The following SORCS3 variants were observed in gnomAD, a reference collection of about 807,000 sequenced individuals.
SORCS3 encodes VPS10 domain-containing receptor SorCS3.
Under a neutral mutation model 146.3 loss-of-function variants are expected in SORCS3, and 57 were observed. That is an observed-to-expected ratio of 0.39 (90% confidence interval 0.31 to 0.49). The LOEUF is 0.49. SORCS3 is among the 20% of genes least tolerant of loss of function. The probability of loss-of-function intolerance (pLI) is 0.92; values close to 1 mark genes in which losing one functional copy is unlikely to be tolerated. For synonymous variants in SORCS3, 653 were observed against 618.5 expected (o/e 1.06, Z -0.83); for missense variants, 1,341 against 1,575.5 (o/e 0.85, Z 2.52).
intron 14 of SORCS3, among the ~76,000 whole-genome samples, chr10:105,192,254 C>T (rs891069942): frequency 5.3e-5 from 8 of 152,056 alleles, no homozygotes; most frequent in African/African-American, 1.2e-4. Context: ...TCTCCTGCCC[C>T]TTTTATCCTC....
chr10:105,022,473 AT>A (rs34732132), intron 4 of SORCS3, among the ~76,000 whole-genome samples: 72,794 of 150,152 alleles, frequency 0.48, 18,437 homozygotes, highest in African/African-American at 0.65. Flanking sequence ...AATTTTTTGT[AT>A]TTTTTTTTGG....
Position 104,916,004 on chromosome 10 carries a change from G to A in SORCS3, c.795+72G>A, listed in dbSNP as rs1410712852. On this transcript the variant is annotated intron_variant, in intron 3 of 26. Transcript: ENST00000369701. ...GTGCTGATTAGGGCCAGAGGTTAAGGAAAAAACTCAGTTGTCATTGAATCA... is the reference window on the plus strand; with the variant it reads ...GTGCTGATTAGGGCCAGAGGTTAAGAAAAAAACTCAGTTGTCATTGAATCA... 7 of 1,159,976 alleles carry A rather than the reference G, an allele frequency of 6.0e-6. No individual in the cohort carries two copies. In the Admixed American group the frequency reaches 1.3e-4, roughly 21 times the overall value. The allele number at this position is 1,159,976 out of a possible 1,614,324, so 71.9% of individuals were successfully genotyped here. A position where few individuals can be genotyped will look rare whatever the true frequency, so the allele number is the denominator to read the frequency against.
At chr10:104,945,465 G>T (rs1693861291) in intron 3 of SORCS3, among the ~76,000 whole-genome samples, 1 of 151,690 alleles carries the variant, frequency 6.6e-6, no homozygotes, top group African/African-American at 2.4e-5. Flanking sequence ...CACCATGTTG[G>T]CCAGGCTGGT....
At chr10:104,646,021 A>G (rs562838922) in intron 1 of SORCS3, among the ~76,000 whole-genome samples, 2 of 152,326 alleles carry the variant, frequency 1.3e-5, no homozygotes, top group South Asian at 4.2e-4. Flanking sequence ...TTTGCCAAAA[A>G]AATTGTTTTC....
chr10:104,706,610 A>G (rs2016340878), intron 1 of SORCS3, among the ~76,000 whole-genome samples: 1 of 152,196 alleles, frequency 6.6e-6, no homozygotes, highest in African/African-American at 2.4e-5. Context: ...ACCGTAGCAT[A>G]TGGGAAGTCA....
At chr10:105,178,045 G>C in intron 13 of SORCS3, 21 bp from the exon 14 acceptor site, 1 of 1,568,352 alleles carries the variant, frequency 6.4e-7, no homozygotes, top group Non-Finnish European at 8.8e-7. Context: ...TGTCTTTTTT[G>C]TGTACTTGTT....
chr10:105,092,496 A>G (rs1192454184), intron 6 of SORCS3, among the ~76,000 whole-genome samples: 2 of 152,102 alleles, frequency 1.3e-5, no homozygotes, highest in African/African-American at 2.4e-5. Flanking sequence ...GAAAGTACAC[A>G]TCGCAAAACT....
At position 105,035,204 on chromosome 10, in the gene SORCS3, A is replaced by G. The variant is rs528547411; in HGVS notation, c.955-7851A>G. On this transcript the variant is annotated intron_variant, in intron 4 of 26. Transcript: ENST00000369701. ...TGCTTTAACTGAAGATTTATGAAGA[A>G]ATGTATTCTGAGCATGGGTACAGTA... Among the ~76,000 whole-genome samples, 50 of 152,296 alleles carry G rather than the reference A, an allele frequency of 3.3e-4. 1 individual carries two copies. The South Asian group carries it at 1.0e-2, about 30-fold the overall frequency.
At chr10:104,944,682 TA>T (rs2019351904) in intron 3 of SORCS3, among the ~76,000 whole-genome samples, 2 of 152,194 alleles carry the variant, frequency 1.3e-5, no homozygotes, top group Non-Finnish European at 2.9e-5. Flanking sequence ...ACATATTAGC[TA>T]AAATGAAAAG....
At chr10:105,126,170 T>C (rs2055972240) in intron 7 of SORCS3, among the ~76,000 whole-genome samples, 1 of 152,188 alleles carries the variant, frequency 6.6e-6, no homozygotes, top group Non-Finnish European at 1.5e-5. Flanking sequence ...TGTCATATAC[T>C]TTTTGTTAAA....
rs548245939 is a variant in SORCS3 at position 104,869,983 on chromosome 10, G to T, written c.695+27124G>T. On this transcript the variant is annotated intron_variant, in intron 2 of 26. Transcript: ENST00000369701. ...ATGATGGCATCTATCACGTAGAGTCGCTCTGAGGAGTAAATGAATGAGTAG... is the reference window on the plus strand; with the variant it reads ...ATGATGGCATCTATCACGTAGAGTCTCTCTGAGGAGTAAATGAATGAGTAG... Among the ~76,000 whole-genome samples the T allele has an allele frequency of 2.9e-3, 443 of 152,290 alleles. 2 individuals carry two copies. Among genetic ancestry groups the T allele is most frequent in the South Asian group, 0.018 (87 of 4,822 alleles).
chr10:104,940,232 ATATATATTTT>A (rs1446490665), intron 3 of SORCS3, among the ~76,000 whole-genome samples: 167 of 22,434 alleles, frequency 7.4e-3, no homozygotes, highest in African/African-American at 0.027. Flanking sequence ...ATATATATAT[ATATATATTTT>A]TTTTTTTTTT....
At chr10:105,263,048 G>A (rs2056970992) in intron 26 of SORCS3, among the ~76,000 whole-genome samples, 1 of 152,184 alleles carries the variant, frequency 6.6e-6, no homozygotes. Context: ...AATACACATT[G>A]GCTGTTACTG....
At chr10:105,186,148 G>A (rs1304879963) in intron 14 of SORCS3, among the ~76,000 whole-genome samples, 6 of 152,130 alleles carry the variant, frequency 3.9e-5, no homozygotes, top group African/African-American at 1.4e-4. Context: ...AGCCAGAAGT[G>A]GAATTGGTGG....
At chr10:105,127,729 C>T (rs1347212904) in intron 7 of SORCS3, among the ~76,000 whole-genome samples, 1 of 152,074 alleles carries the variant, frequency 6.6e-6, no homozygotes, top group African/African-American at 2.4e-5. Flanking sequence ...TAATTTGGAA[C>T]AACAGCTGGT....
At chr10:104,869,982 C>T (rs898980512) in intron 2 of SORCS3, among the ~76,000 whole-genome samples, 7 of 152,292 alleles carry the variant, frequency 4.6e-5, no homozygotes, top group East Asian at 1.9e-4. Context: ...CACGTAGAGT[C>T]GCTCTGAGGA....
chr10:104,689,527 C>T (rs550926764), intron 1 of SORCS3, among the ~76,000 whole-genome samples: 1 of 152,338 alleles, frequency 6.6e-6, no homozygotes, highest in South Asian at 2.1e-4. Flanking sequence ...ACACTTTCAT[C>T]TTCTCACTGT....
At chr10:105,129,166 G>A (rs2055997504) in intron 7 of SORCS3, among the ~76,000 whole-genome samples, 2 of 151,922 alleles carry the variant, frequency 1.3e-5, no homozygotes, top group African/African-American at 4.8e-5. Context: ...TTAAATAATT[G>A]ACCTCATAGT....
chr10:104,686,603 G>A (rs2016046162), intron 1 of SORCS3, among the ~76,000 whole-genome samples: 1 of 152,088 alleles, frequency 6.6e-6, no homozygotes, highest in Non-Finnish European at 1.5e-5. Flanking sequence ...GATTCAGAAG[G>A]CCACACAAGT....
Sources: gnomAD v4.1 joint callset for allele counts (sites outside exome capture counted in the v4.1 genomes callset) on GRCh38, gnomAD v4.1.1 for gene constraint, MANE v1.5 for transcripts, NCBI Gene and HGNC (gene_info 2026-07-23, HGNC 2026-07-21) for gene names.